NBEA: variants seen among roughly 807,000 people sequenced by gnomAD.
The protein encoded by NBEA is lysosomal-trafficking regulator 2.
Under a neutral mutation model 343.4 loss-of-function variants are expected in NBEA, and 44 were observed. That is an observed-to-expected ratio of 0.13 (90% CI 0.10 to 0.16). The LOEUF (loss-of-function observed/expected upper bound fraction) is 0.16. Among genes scored for constraint, NBEA ranks in the 10% least tolerant of loss-of-function variants. NBEA has a pLI of 1.00. For missense variants in NBEA, 2,555 were observed against 3,631.3 expected, an observed-to-expected ratio of 0.70 and a Z score of 7.62; for synonymous variants, 1,175 against 1,238.7, an observed-to-expected ratio of 0.95 and a Z score of 1.08.
chr13:35,087,377 G>C (rs1566264718), intron 10 of NBEA, among the ~76,000 whole-genome samples: 2 of 151,782 alleles, frequency 1.3e-5, no homozygotes, highest in African/African-American at 4.8e-5. Context: ...GGAAATTTTA[G>C]AGTACACTCT....
intron 38 of NBEA, among the ~76,000 whole-genome samples, chr13:35,387,937 A>G (rs1400592092): frequency 6.6e-6 from 1 of 152,170 alleles, no homozygotes; most frequent in Non-Finnish European, 1.5e-5. Flanking sequence ...TCTGAAAGCC[A>G]TGATTTACTG....
chr13:35,656,337 T>C (rs978256547), intron 55 of NBEA, among the ~76,000 whole-genome samples: 1 of 152,190 alleles, frequency 6.6e-6, no homozygotes, highest in African/African-American at 2.4e-5. Flanking sequence ...GAAGAAAGCG[T>C]TGGGAGAGGC....
At chr13:35,270,442 A>G (rs1240578621) in intron 34 of NBEA, among the ~76,000 whole-genome samples, 1 of 152,162 alleles carries the variant, frequency 6.6e-6, no homozygotes, top group Non-Finnish European at 1.5e-5. Flanking sequence ...CTGCATTTCT[A>G]AGTGAGGTAC....
At chr13:35,349,773 G>T (rs967010073) in intron 37 of NBEA, among the ~76,000 whole-genome samples, 2 of 152,070 alleles carry the variant, frequency 1.3e-5, no homozygotes, top group Non-Finnish European at 2.9e-5. Context: ...AGGCTAACAA[G>T]TATGGTGTAG....
intron 49 of NBEA, among the ~76,000 whole-genome samples, chr13:35,641,674 G>A (rs978232013): frequency 5.3e-5 from 8 of 152,102 alleles, no homozygotes; most frequent in African/African-American, 1.9e-4. Flanking sequence ...GATGGGGCTA[G>A]ATAGGGGGAA....
intron 58 of NBEA, 51 bp downstream of exon 58, chr13:35,668,570 T>C (rs1390160518): frequency 6.7e-7 from 1 of 1,483,108 alleles, no homozygotes; most frequent in Non-Finnish European, 9.0e-7. Context: ...CATTGAAGGC[T>C]CTCTTCATTC....
chr13:35,009,031 G>T (rs749660864), intron 1 of NBEA, among the ~76,000 whole-genome samples: 1 of 152,170 alleles, frequency 6.6e-6, no homozygotes, highest in Admixed American at 6.5e-5. Flanking sequence ...TGCCTTTGCA[G>T]TCCTAGTTTT....
chr13:35,417,565 C>T (rs1300814093), intron 38 of NBEA, among the ~76,000 whole-genome samples: 1 of 152,094 alleles, frequency 6.6e-6, no homozygotes, highest in African/African-American at 2.4e-5. Flanking sequence ...TTCTTTACTC[C>T]TGAGTTCTAG....
At chr13:35,579,507 A>C (rs2080908265) in intron 45 of NBEA, among the ~76,000 whole-genome samples, 1 of 152,264 alleles carries the variant, frequency 6.6e-6, no homozygotes, top group Admixed American at 6.5e-5. Context: ...CTAAGATGAC[A>C]GAAAGAGGAA....
chr13:34,942,478 C>A lies in NBEA; in HGVS notation c.-343C>A. ...GCGGCTGCAGCATCTCCGCGGGGGG[C>A]GGGCCGGGCCGGACAGACCGGGAGA... On this transcript the variant is annotated 5_prime_UTR_variant, in exon 1 of 59. Coordinates refer to ENST00000379939, the MANE Select transcript of NBEA (RefSeq NM_001385012.1). 1 of 169,710 alleles carries A rather than the reference C, an allele frequency of 5.9e-6. No homozygotes were observed. The highest frequency in any genetic ancestry group is 1.3e-5 in the Non-Finnish European group (1 of 79,718). The allele number at this position is 169,710 out of a possible 1,614,324, so 10.5% of individuals were successfully genotyped here.
At chr13:35,208,647 T>C (rs1436123580) in intron 31 of NBEA, 53 bp from the exon 32 acceptor site, 2 of 1,445,990 alleles carry the variant, frequency 1.4e-6, no homozygotes. Context: ...AGCAGGATTA[T>C]AATTCATCTT....
rs542411471 is a variant in NBEA at position 35,403,398 on chromosome 13, G to A, written c.6180-28871G>A. On this transcript the variant is annotated intron_variant, in intron 38 of 58. Transcript: ENST00000379939. ...GAGTGTCAAGGTATAAATGCATGAGGCATTAAATTAACAGTTGAGATCCAA... is the reference window on the plus strand; with the variant it reads ...GAGTGTCAAGGTATAAATGCATGAGACATTAAATTAACAGTTGAGATCCAA... 4.9e-4 allele frequency among the ~76,000 whole-genome samples: 74 copies of A among 151,852 alleles called. 1 individual carries two copies. Among genetic ancestry groups the A allele is most frequent in the Non-Finnish European group, 9.1e-4 (62 of 67,952 alleles).
chr13:35,614,864 C>T (rs9574251), intron 48 of NBEA, among the ~76,000 whole-genome samples: 22,652 of 151,984 alleles, frequency 0.15, 1,874 homozygotes, highest in East Asian at 0.32. Context: ...CTAATCTTAG[C>T]CACCTTACCC....
intron 1 of NBEA, among the ~76,000 whole-genome samples, chr13:34,950,346 A>G (rs981714835): frequency 2.0e-5 from 3 of 152,142 alleles, no homozygotes; most frequent in Non-Finnish European, 4.4e-5. Context: ...TTAAAGAGGC[A>G]CCTAAAACCA....
intron 1 of NBEA, among the ~76,000 whole-genome samples, chr13:34,963,605 T>G (rs2059728547): frequency 6.6e-6 from 1 of 152,052 alleles, no homozygotes; most frequent in Non-Finnish European, 1.5e-5. Flanking sequence ...TTAGTAATGC[T>G]TTACTTAAAT....
At position 35,626,136 on chromosome 13, in the gene NBEA, G is replaced by A. The variant is rs141543377; in HGVS notation, c.7450-1945G>A. On this transcript the variant is annotated intron_variant, in intron 48 of 58. Coordinates refer to ENST00000379939, the MANE Select transcript of NBEA (RefSeq NM_001385012.1). ...GTAGATTTTTAAAATAATACTAAGT[G>A]AGAAAAGTAAGGAACAAAATGAAAT... 2.2e-3 allele frequency among the ~76,000 whole-genome samples: 336 copies of A among 152,274 alleles called. 4 individuals are homozygous for A. Among genetic ancestry groups the A allele is most frequent in the Non-Finnish European group, 7.8e-4 (53 of 68,002 alleles).
At chr13:35,586,991 G>A (rs1240151675) in intron 46 of NBEA, among the ~76,000 whole-genome samples, 1 of 128,936 alleles carries the variant, frequency 7.8e-6, no homozygotes, top group Non-Finnish European at 1.8e-5. Flanking sequence ...TAATTGATTT[G>A]AACTCTCAAA....
intron 10 of NBEA, among the ~76,000 whole-genome samples, chr13:35,090,462 G>T (rs2065025511): frequency 6.6e-6 from 1 of 151,948 alleles, no homozygotes; most frequent in Non-Finnish European, 1.5e-5. Flanking sequence ...AGCATACTTG[G>T]TTTCTTAGCT....
At chr13:35,027,668 A>T (rs74051217) in intron 1 of NBEA, among the ~76,000 whole-genome samples, 1 of 151,952 alleles carries the variant, frequency 6.6e-6, no homozygotes. Flanking sequence ...TCTCAGAGCA[A>T]AAGTTTTTAT....
Sources: allele counts gnomAD v4.1 joint callset (sites outside exome capture counted in the v4.1 genomes callset), GRCh38; gene constraint gnomAD v4.1.1; transcripts MANE v1.5; gene names NCBI Gene and HGNC (gene_info 2026-07-23, HGNC 2026-07-21).